Variants in NUGGC observed in about 807,000 individuals in gnomAD.
The protein encoded by NUGGC is nuclear GTPase, germinal center associated, also known as nuclear GTPase SLIP-GC.
NUGGC carries 58 observed loss-of-function variants against 92.6 expected under a neutral mutation model. That is an observed-to-expected ratio of 0.63 (90% CI 0.51 to 0.78). The LOEUF (loss-of-function observed/expected upper bound fraction) is 0.78. NUGGC is among the 30% of genes least tolerant of loss of function. The pLI is 0.00. For synonymous variants in NUGGC, 376 were observed against 366.4 expected, an observed-to-expected ratio of 1.03 and a Z score of -0.30; for missense variants, 925 against 964.6, an observed-to-expected ratio of 0.96 and a Z score of 0.54.
chr8:28,026,457 G>A (rs1311321170), intron 18 of NUGGC, among the ~76,000 whole-genome samples: 1 of 152,186 alleles, frequency 6.6e-6, no homozygotes, highest in Non-Finnish European at 1.5e-5. Context: ...CAGGCTATAG[G>A]TGGATTAAGA....
At chr8:28,039,301 C>T (rs1809634344) in intron 13 of NUGGC, among the ~76,000 whole-genome samples, 1 of 151,424 alleles carries the variant, frequency 6.6e-6, no homozygotes, top group African/African-American at 2.4e-5. Context: ...GGCACCATCT[C>T]AGCTCACTGC....
intron 18 of NUGGC, among the ~76,000 whole-genome samples, chr8:28,025,231 T>C (rs1809227062): frequency 6.6e-6 from 1 of 152,206 alleles, no homozygotes; most frequent in African/African-American, 2.4e-5. Flanking sequence ...TTCTTACACA[T>C]CTTGTCTTAC....
intron 13 of NUGGC, among the ~76,000 whole-genome samples, chr8:28,039,540 A>AG (rs1809640193): frequency 6.6e-6 from 1 of 152,168 alleles, no homozygotes; most frequent in Non-Finnish European, 1.5e-5. Flanking sequence ...GCTCATCTAG[A>AG]CATTTAAACA....
intron 10 of NUGGC, among the ~76,000 whole-genome samples, chr8:28,048,078 T>C (rs1585572397): frequency 6.6e-6 from 1 of 152,246 alleles, no homozygotes; most frequent in South Asian, 2.1e-4. Flanking sequence ...ATGTTGGGAC[T>C]GTTTCAGTCC....
Position 28,030,302 on chromosome 8 carries a change from G to GC in NUGGC, c.2017+7dup. On this transcript the variant is annotated splice_region_variant and intron_variant, in intron 16 of 18. Coordinates refer to ENST00000413272, the MANE Select transcript of NUGGC (RefSeq NM_001010906.2). ...GCAGGCAGAAATGCTGTCCTCCGCAGCCCCCACCTTCGTAACAGAGCTTCA... is the reference window on the plus strand; with the variant it reads ...GCAGGCAGAAATGCTGTCCTCCGCAGCCCCCCACCTTCGTAACAGAGCTTCA... The GC allele has an allele frequency of 6.8e-7, 1 of 1,471,444 alleles. No homozygotes were observed. The highest frequency in any genetic ancestry group is 9.4e-7 in the Non-Finnish European group (1 of 1,069,048). The allele number at this position is 1,471,444 out of a possible 1,614,324, so 91.1% of individuals were successfully genotyped here. A position where few individuals can be genotyped will look rare whatever the true frequency, so the allele number is the denominator to read the frequency against.
rs35977212 is a variant in NUGGC at position 28,022,157 on chromosome 8, CTTTTTTTTTTTTTT to C, written c.*1146_*1159del. ...TATATATATATATTTTTTTCTTTTT[CTTTTTTTTTTTTTT>C]TTTTTGAGACATAGTCTCACTCCGT... is the stretch of plus-strand genomic sequence containing the variant. On this transcript the variant is annotated 3_prime_UTR_variant, in exon 19 of 19. Transcript: ENST00000413272. The C allele has an allele frequency of 1.0e-5, 1 of 95,950 alleles. No individual in the cohort carries two copies. Among genetic ancestry groups the C allele is most frequent in the Non-Finnish European group, 2.1e-5 (1 of 47,552 alleles). The allele number at this position is 95,950 out of a possible 1,614,324, so 5.9% of individuals were successfully genotyped here.
intron 7 of NUGGC, among the ~76,000 whole-genome samples, chr8:28,061,407 T>A (rs1185614129): frequency 2.0e-5 from 3 of 152,232 alleles, no homozygotes; most frequent in Non-Finnish European, 4.4e-5. Flanking sequence ...TTGTCTTACC[T>A]CCACATAAAT....
chr8:28,033,697 T>A lies in NUGGC; in HGVS notation c.1612A>T (p.Arg538Trp). Residue 538 changes from arginine (R) to tryptophan (W), a missense_variant and splice_region_variant, in exon 14 of 19, where the codon AGG (arginine) becomes TGG (tryptophan). Physicochemically the swap from Arg to Trp is moderately radical, Grantham distance 101 (BLOSUM62 -3). Transcript: ENST00000413272. ...TGAAAACCTTGGTTTCCTTTACTCCTCTAGACAATCAACAATAAATTAGCA... is the reference window on the plus strand; with the variant it reads ...TGAAAACCTTGGTTTCCTTTACTCCACTAGACAATCAACAATAAATTAGCA... ...YRCILRACLV[R>W]SKGNQGFHQT... is the part of the protein sequence containing the mutation. 1 of 1,613,586 alleles carries A rather than the reference T, an allele frequency of 6.2e-7. No homozygotes were observed. Among genetic ancestry groups the A allele is most frequent in the Non-Finnish European group, 8.5e-7 (1 of 1,179,674 alleles).
chr8:28,040,955 T>C lies in NUGGC; in HGVS notation c.1611+96A>G. 6 of 1,276,396 alleles carry C rather than the reference T, an allele frequency of 4.7e-6. No individual in the cohort carries two copies. The South Asian group carries it at 8.4e-5, about 18-fold the overall frequency. 79.1% of individuals were successfully genotyped at this position (1,276,396 alleles called of 1,614,324 possible). On this transcript the variant is annotated intron_variant, in intron 13 of 18. Coordinates refer to ENST00000413272, the MANE Select transcript of NUGGC (RefSeq NM_001010906.2). Reference sequence around the variant, plus strand: ...CCGCCATGCCCGGCCCGCTAACTCTTTACCTCTTTTGAAGGGAATGGGATG... The same window carrying C: ...CCGCCATGCCCGGCCCGCTAACTCTCTACCTCTTTTGAAGGGAATGGGATG...
chr8:28,078,292 C>T (rs1810771027), intron 1 of NUGGC, among the ~76,000 whole-genome samples: 1 of 151,828 alleles, frequency 6.6e-6, no homozygotes, highest in Admixed American at 6.6e-5. Flanking sequence ...GATGACCAAA[C>T]AAAAACACTA....
At chr8:28,069,818 C>T (rs1448486984) in intron 3 of NUGGC, 166 bp from the exon 4 acceptor site, 1 of 599,850 alleles carries the variant, frequency 1.7e-6, no homozygotes, top group Non-Finnish European at 3.0e-6. Flanking sequence ...TGGCGGCTCA[C>T]TGGAGATAGC....
chr8:28,053,089 CAA>C (rs369949493), intron 10 of NUGGC, among the ~76,000 whole-genome samples: 1 of 145,016 alleles, frequency 6.9e-6, no homozygotes, highest in Non-Finnish European at 1.5e-5. Context: ...CACACCCAGC[CAA>C]AAAAAAAAGT....
intron 11 of NUGGC, among the ~76,000 whole-genome samples, 152 bp from the exon 12 acceptor site, chr8:28,045,812 A>G (rs977755979): frequency 2.0e-5 from 3 of 152,258 alleles, no homozygotes; most frequent in African/African-American, 2.4e-5. Context: ...ACCTTTCTGA[A>G]AAGCACTTTT....
intron 12 of NUGGC, among the ~76,000 whole-genome samples, chr8:28,042,015 T>C (rs1221387517): frequency 6.6e-6 from 1 of 152,308 alleles, no homozygotes; most frequent in Non-Finnish European, 1.5e-5. Context: ...CCCCATACTG[T>C]TCTCATGGTA....
intron 13 of NUGGC, among the ~76,000 whole-genome samples, chr8:28,038,811 G>A (rs550287030): frequency 3.9e-5 from 6 of 152,118 alleles, no homozygotes; most frequent in South Asian, 2.1e-4. Flanking sequence ...AAGTTAGGCC[G>A]GCCTGGGTTA....
chr8:28,036,634 G>T (rs143976117), intron 13 of NUGGC, among the ~76,000 whole-genome samples: 13 of 152,282 alleles, frequency 8.5e-5, no homozygotes, highest in Admixed American at 3.3e-4. Context: ...GAAGCAATTT[G>T]CTTTCTCTTG....
At chr8:28,059,619 C>G (rs1031789651) in intron 8 of NUGGC, among the ~76,000 whole-genome samples, 1 of 152,100 alleles carries the variant, frequency 6.6e-6, no homozygotes, top group Non-Finnish European at 1.5e-5. Flanking sequence ...CACATGTTTA[C>G]CTGTGTAACA....
At chr8:28,057,725 C>T (rs1338735891) in intron 9 of NUGGC, among the ~76,000 whole-genome samples, 3 of 152,084 alleles carry the variant, frequency 2.0e-5, no homozygotes, top group African/African-American at 2.4e-5. Context: ...ATGTATTAAT[C>T]GACTGTTTAT....
In NUGGC at chr8:28,058,147, G is replaced by A. The variant is rs146365238; in HGVS notation, c.1116+111C>T. Reference sequence around the variant, plus strand: ...GCAGAGGTTGCCGTGAGCCGAGATCGCGCCAATGCACTCCAGCCTGGGTGA... The same window carrying A: ...GCAGAGGTTGCCGTGAGCCGAGATCACGCCAATGCACTCCAGCCTGGGTGA... On this transcript the variant is annotated intron_variant, in intron 9 of 18. Transcript: ENST00000413272. 499 of 193,156 alleles carry A rather than the reference G, an allele frequency of 2.6e-3. 11 individuals are homozygous for A. Among genetic ancestry groups the A allele is most frequent in the African/African-American group, 0.011 (474 of 42,084 alleles). The allele number at this position is 193,156 out of a possible 1,614,324, so 12.0% of individuals were successfully genotyped here. A position where few individuals can be genotyped will look rare whatever the true frequency, so the allele number is the denominator to read the frequency against.
Sources: gnomAD v4.1 joint callset for allele counts (sites outside exome capture counted in the v4.1 genomes callset) on GRCh38, gnomAD v4.1.1 for gene constraint, MANE v1.5 for transcripts, NCBI Gene and HGNC (gene_info 2026-07-23, HGNC 2026-07-21) for gene names.